The following CPED1 variants were observed in gnomAD, a reference collection of about 807,000 sequenced individuals.
CPED1 encodes the protein cadherin like and PC-esterase domain containing 1, also known as cadherin-like and PC-esterase domain-containing protein 1.
In CPED1, 114 loss-of-function variants were observed where a neutral mutation model predicts 128.2. The ratio of observed to expected loss-of-function variants is 0.89; its 90% CI spans 0.76 to 1.04. The LOEUF (loss-of-function observed/expected upper bound fraction) is 1.04. Among genes scored for constraint, CPED1 ranks in the 50% least tolerant of loss-of-function variants. The pLI is 0.00. For synonymous variants in CPED1, 462 were observed against 426.7 expected (o/e 1.08, Z -1.02); for missense variants, 1,211 against 1,207.1 (o/e 1.00, Z -0.05).
Position 121,100,073 on chromosome 7 carries a change from GA to G in CPED1, c.903del (p.Lys301AsnfsTer15). On this transcript the variant is annotated frameshift_variant, in exon 7 of 23. Coordinates refer to ENST00000310396, the MANE Select transcript of CPED1 (RefSeq NM_024913.5). LOFTEE classifies it high-confidence loss of function. Reference protein sequence around the residue: ...STGTVWNPPKKKRFTVKLQTF... With the variant: ...STGTVWNPPKXKRFTVKLQTF... ...CGGGCACAGTTTGGAATCCACCAAA[GA>G]AAAAACGCTTCACTGTCAAGGTAAG... is the stretch of plus-strand genomic sequence containing the variant. The G allele has an allele frequency of 1.2e-6, 2 of 1,611,700 alleles. No homozygotes were observed. The highest frequency in any genetic ancestry group is 1.7e-6 in the Non-Finnish European group (2 of 1,179,118).
rs908629583 is a variant in CPED1, at chr7:121,261,523, T to G, written c.2311-4704T>G. 1.3e-5 allele frequency: 19 copies of G among 1,461,888 alleles called. No homozygotes were observed. The East Asian group carries it at 4.7e-4, about 36-fold the overall frequency. 90.6% of individuals were successfully genotyped at this position (1,461,888 alleles called of 1,614,324 possible). A position where few individuals can be genotyped will look rare whatever the true frequency, so the allele number is the denominator to read the frequency against. On this transcript the variant is annotated intron_variant, in intron 18 of 22. Coordinates refer to ENST00000310396, the MANE Select transcript of CPED1 (RefSeq NM_024913.5). ...CTCAGTGTCTCCTGACATTAGGTAT[T>G]TGGCCATGAGACTGAGTTCTAACCA...
intron 2 of CPED1, among the ~76,000 whole-genome samples, chr7:120,995,081 A>G (rs1796374437): frequency 6.6e-6 from 1 of 152,128 alleles, no homozygotes; most frequent in African/African-American, 2.4e-5. Flanking sequence ...ATAAAACAAT[A>G]AGCTTTCTTT....
chr7:121,152,378 C>T (rs982679609), intron 16 of CPED1, among the ~76,000 whole-genome samples: 1 of 152,168 alleles, frequency 6.6e-6, no homozygotes, highest in African/African-American at 2.4e-5. Context: ...AGAGACCCAG[C>T]TTTCAAAGGT....
chr7:121,012,720 C>T (rs949368699), intron 2 of CPED1, among the ~76,000 whole-genome samples: 29 of 152,176 alleles, frequency 1.9e-4, no homozygotes, highest in Non-Finnish European at 4.4e-5. Context: ...GTTTGTATTA[C>T]AGGATAATAC....
chr7:121,293,223 G>A (rs141487422), intron 22 of CPED1, among the ~76,000 whole-genome samples: 29 of 152,298 alleles, frequency 1.9e-4, no homozygotes, highest in African/African-American at 6.7e-4. Context: ...CCCGCCCAGA[G>A]AGGAGGAATC....
chr7:121,204,414 C>G (rs1401485868), intron 16 of CPED1, among the ~76,000 whole-genome samples: 1 of 152,046 alleles, frequency 6.6e-6, no homozygotes, highest in East Asian at 1.9e-4. Context: ...ATAGAAAAGG[C>G]AGAGGAAATT....
At chr7:121,075,073 C>T (rs925038660) in intron 5 of CPED1, among the ~76,000 whole-genome samples, 1 of 152,104 alleles carries the variant, frequency 6.6e-6, no homozygotes, top group East Asian at 1.9e-4. Context: ...GATTTGTCTC[C>T]TTCTTGGGAG....
intron 15 of CPED1, among the ~76,000 whole-genome samples, chr7:121,141,612 A>G (rs771133025): frequency 1.2e-4 from 18 of 152,022 alleles, no homozygotes; most frequent in Non-Finnish European, 2.5e-4. Flanking sequence ...TGACTCTTCT[A>G]TGTGACTTTG....
intron 16 of CPED1, among the ~76,000 whole-genome samples, chr7:121,155,429 T>A (rs1199219786): frequency 6.6e-6 from 1 of 152,128 alleles, no homozygotes; most frequent in Non-Finnish European, 1.5e-5. Context: ...AGAACAAAAC[T>A]GCAGACATCA....
intron 16 of CPED1, 152 bp downstream of exon 16, chr7:121,142,293 A>G (rs1439791643): frequency 3.0e-6 from 2 of 677,434 alleles, no homozygotes; most frequent in Non-Finnish European, 5.0e-6. Context: ...CCAGCCAGGT[A>G]TCTAAGTCAC....
intron 16 of CPED1, among the ~76,000 whole-genome samples, chr7:121,205,823 T>C (rs1017658465): frequency 3.5e-4 from 53 of 152,064 alleles, no homozygotes; most frequent in African/African-American, 1.3e-3. Flanking sequence ...TAAAAGGCTC[T>C]TTAAAACATG....
chr7:121,076,134 A>G (rs12666345), intron 5 of CPED1, among the ~76,000 whole-genome samples: 70,189 of 151,958 alleles, frequency 0.46, 16,495 homozygotes, highest in East Asian at 0.61. Context: ...GGGGGCCAGA[A>G]TTAAGGAAGG....
rs568083877 is a variant in CPED1 at position 121,102,003 on chromosome 7, C to T, written c.918+1909C>T. On this transcript the variant is annotated intron_variant, in intron 7 of 22. Coordinates refer to ENST00000310396, the MANE Select transcript of CPED1 (RefSeq NM_024913.5). ...TTACGCTATAGCTTTGTTGCTGTCT[C>T]ATCCGTTGTTTCTTGTATTTCAGTT... 7.9e-5 allele frequency among the ~76,000 whole-genome samples: 12 copies of T among 152,262 alleles called. No individual in the cohort carries two copies. In the South Asian group the frequency reaches 2.5e-3, roughly 32 times the overall value.
intron 14 of CPED1, among the ~76,000 whole-genome samples, chr7:121,137,862 G>A (rs1333523061): frequency 6.6e-6 from 1 of 152,052 alleles, no homozygotes; most frequent in Non-Finnish European, 1.5e-5. Flanking sequence ...CTCTGTGCCA[G>A]GCCCAAGGCA....
intron 5 of CPED1, among the ~76,000 whole-genome samples, chr7:121,068,419 A>T (rs1382694120): frequency 4.0e-5 from 6 of 151,834 alleles, no homozygotes; most frequent in Non-Finnish European, 8.8e-5. Flanking sequence ...AAGATCAGAT[A>T]GTTGTAGATA....
intron 3 of CPED1, among the ~76,000 whole-genome samples, chr7:121,037,320 G>A (rs1055910812): frequency 6.6e-6 from 1 of 152,146 alleles, no homozygotes; most frequent in Non-Finnish European, 1.5e-5. Flanking sequence ...TTTGTATAAG[G>A]TGAGAGATGA....
At chr7:121,225,888 T>A (rs553132171) in intron 16 of CPED1, among the ~76,000 whole-genome samples, 5 of 152,226 alleles carry the variant, frequency 3.3e-5, no homozygotes, top group African/African-American at 1.2e-4. Context: ...CTAACCTTTT[T>A]TCAAGGTTTT....
chr7:121,098,763 TATAA>T (rs1794762382), intron 6 of CPED1, among the ~76,000 whole-genome samples: 3 of 38,314 alleles, frequency 7.8e-5, no homozygotes, highest in Admixed American at 5.5e-4. Flanking sequence ...TAAAAATATA[TATAA>T]ATATATATAT....
At chr7:121,209,128 A>G (rs1797587660) in intron 16 of CPED1, among the ~76,000 whole-genome samples, 1 of 152,020 alleles carries the variant, frequency 6.6e-6, no homozygotes, top group East Asian at 1.9e-4. Context: ...TAAATGGATG[A>G]CAATTGCTTC....
Sources: allele counts gnomAD v4.1 joint callset (sites outside exome capture counted in the v4.1 genomes callset), GRCh38; gene constraint gnomAD v4.1.1; transcripts MANE v1.5; gene names NCBI Gene and HGNC (gene_info 2026-07-23, HGNC 2026-07-21).